Variants in SMYD3 observed in about 807,000 individuals in gnomAD.
The protein encoded by SMYD3 is histone-lysine N-methyltransferase SMYD3.
A neutral mutation model predicts 57.7 loss-of-function variants in SMYD3; 36 were observed. The observed-to-expected ratio is 0.62, with a 90% CI of 0.48 to 0.82. The LOEUF (loss-of-function observed/expected upper bound fraction) is 0.82. Among genes scored for constraint, SMYD3 ranks in the 40% least tolerant of loss-of-function variants. The pLI is 0.00. For missense variants in SMYD3, 515 were observed against 538.8 expected, an observed-to-expected ratio of 0.96 and a Z score of 0.44; for synonymous variants, 211 against 195.0, an observed-to-expected ratio of 1.08 and a Z score of -0.68.
intron 2 of SMYD3, among the ~76,000 whole-genome samples, chr1:246,351,295 C>T (rs951847907): frequency 1.1e-4 from 17 of 152,070 alleles, no homozygotes; most frequent in Admixed American, 9.2e-4. Flanking sequence ...TTAATTCATT[C>T]AACTAGAAAT....
chr1:245,807,965 G>A (rs2048275123), intron 10 of SMYD3, among the ~76,000 whole-genome samples: 1 of 152,072 alleles, frequency 6.6e-6, no homozygotes, highest in South Asian at 2.1e-4. Flanking sequence ...ATTTTAAAGG[G>A]AAATAATTTA....
At chr1:245,890,448 C>T (rs948489600) in intron 8 of SMYD3, among the ~76,000 whole-genome samples, 19 of 152,090 alleles carry the variant, frequency 1.2e-4, no homozygotes, top group South Asian at 2.1e-4. Context: ...TCTCAAAAGA[C>T]GACATACAAA....
intron 5 of SMYD3, among the ~76,000 whole-genome samples, chr1:246,060,453 A>G (rs901423585): frequency 6.6e-6 from 1 of 152,140 alleles, no homozygotes; most frequent in Non-Finnish European, 1.5e-5. Context: ...TTAACTCTAA[A>G]TATTCCGTTT....
intron 1 of SMYD3, among the ~76,000 whole-genome samples, chr1:246,443,148 G>A (rs2067496494): frequency 1.3e-5 from 2 of 152,020 alleles, no homozygotes; most frequent in African/African-American, 2.4e-5. Context: ...ATATATACAT[G>A]CCTAAGAAAT....
intron 5 of SMYD3, among the ~76,000 whole-genome samples, chr1:245,992,513 A>G (rs6657981): frequency 1.2e-4 from 18 of 149,366 alleles, no homozygotes; most frequent in African/African-American, 3.7e-4. Flanking sequence ...GGCCTGGAGT[A>G]GCCATGGATC....
At chr1:245,757,225 G>A (rs949761257) in intron 11 of SMYD3, among the ~76,000 whole-genome samples, 3 of 151,920 alleles carry the variant, frequency 2.0e-5, no homozygotes, top group African/African-American at 4.8e-5. Flanking sequence ...CATATAAGTG[G>A]AATAATATGA....
At chr1:245,950,776 A>G (rs533320090) in intron 5 of SMYD3, among the ~76,000 whole-genome samples, 2 of 152,362 alleles carry the variant, frequency 1.3e-5, no homozygotes, top group South Asian at 2.1e-4. Context: ...AGTATTTTCT[A>G]TCCATGCTCA....
At chr1:246,068,159 C>T (rs6702903) in intron 5 of SMYD3, among the ~76,000 whole-genome samples, 9,488 of 152,008 alleles carry the variant, frequency 0.062, 1,020 homozygotes, top group African/African-American at 0.22. Context: ...AAGGAGCCTC[C>T]TGGAAAGTAG....
At chr1:246,387,761 T>C (rs1340926764) in intron 1 of SMYD3, among the ~76,000 whole-genome samples, 1 of 152,154 alleles carries the variant, frequency 6.6e-6, no homozygotes, top group East Asian at 1.9e-4. Flanking sequence ...AAAACAACTA[T>C]AAAATTTGGA....
intron 1 of SMYD3, among the ~76,000 whole-genome samples, chr1:246,408,663 C>CTTTTTTTTTTTTTTTTTTTTTTTTTTTTT (rs5782392): frequency 1.5e-5 from 1 of 65,520 alleles, no homozygotes; most frequent in Non-Finnish European, 2.8e-5. Flanking sequence ...AGAAGCAAGT[C>CTTTTTTTTTTTTTTTTTTTTTTTTTTTTT]TTTTTTTTTT....
chr1:245,865,789 C>T (rs570243754), intron 8 of SMYD3, among the ~76,000 whole-genome samples: 3 of 152,346 alleles, frequency 2.0e-5, no homozygotes, highest in East Asian at 1.9e-4. Context: ...GGCTACCACA[C>T]TCAACAACCC....
intron 5 of SMYD3, among the ~76,000 whole-genome samples, chr1:246,032,961 A>C (rs1374711728): frequency 6.6e-6 from 1 of 152,198 alleles, no homozygotes; most frequent in Non-Finnish European, 1.5e-5. Flanking sequence ...AAGAATGATA[A>C]TCATGAATGC....
intron 5 of SMYD3, among the ~76,000 whole-genome samples, chr1:246,055,089 T>C (rs997062427): frequency 2.0e-5 from 3 of 151,110 alleles, no homozygotes; most frequent in African/African-American, 7.3e-5. Context: ...GGCAGGAGAA[T>C]GGAGTGAACC....
chr1:246,085,626 C>A (rs1236686269), intron 5 of SMYD3, among the ~76,000 whole-genome samples: 1 of 152,174 alleles, frequency 6.6e-6, no homozygotes, highest in Non-Finnish European at 1.5e-5. Context: ...TCATCCCCCG[C>A]TTTGTCCTAT....
At chr1:246,289,066 G>A (rs1197649) in intron 5 of SMYD3, among the ~76,000 whole-genome samples, 251 of 152,282 alleles carry the variant, frequency 1.6e-3, no homozygotes, top group African/African-American at 5.8e-3. Context: ...AGTGAGCCAA[G>A]ATTGCGCCAC....
intron 11 of SMYD3, among the ~76,000 whole-genome samples, chr1:245,756,124 A>G (rs1435066679): frequency 1.3e-5 from 2 of 148,236 alleles, no homozygotes; most frequent in Non-Finnish European, 3.0e-5. Flanking sequence ...ATACACACAC[A>G]TATATATGTA....
chr1:246,185,298 C>A (rs1352152123), intron 5 of SMYD3, among the ~76,000 whole-genome samples: 1 of 151,864 alleles, frequency 6.6e-6, no homozygotes, highest in African/African-American at 2.4e-5. Context: ...AGTGCAGTGG[C>A]GCGATCTCGG....
rs56336266 is a variant in SMYD3, at chr1:246,502,135, C to CT, written c.164+4918dup. Among the ~76,000 whole-genome samples the CT allele has an allele frequency of 3.9e-3, 570 of 145,912 alleles. 7 individuals are homozygous for CT. The highest frequency in any genetic ancestry group is 0.011 in the African/African-American group (425 of 39,412). ...CACACTGCAACTCAAATGCAGCTGC[C>CT]TTTTTTTTTTTCTTTTTTTTTGAGA... On this transcript the variant is annotated intron_variant, in intron 1 of 11. Coordinates refer to ENST00000490107, the MANE Select transcript of SMYD3 (RefSeq NM_001167740.2).
chr1:245,765,082 C>CACA (rs1553316016), intron 10 of SMYD3, among the ~76,000 whole-genome samples: 2 of 117,750 alleles, frequency 1.7e-5, no homozygotes, highest in African/African-American at 3.3e-5. Context: ...ACACACAAAA[C>CACA]CACAGTTTAA....
Sources: gnomAD v4.1 joint callset for allele counts (sites outside exome capture counted in the v4.1 genomes callset) on GRCh38, gnomAD v4.1.1 for gene constraint, MANE v1.5 for transcripts, NCBI Gene and HGNC (gene_info 2026-07-23, HGNC 2026-07-21) for gene names.